The following NTF3 variants were observed in gnomAD, a reference collection of about 807,000 sequenced individuals.
NTF3 encodes the protein neurotrophin-3.
NTF3 carries 8 observed loss-of-function variants against 26.3 expected under a neutral mutation model. The ratio of observed to expected loss-of-function variants is 0.30; its 90% CI spans 0.18 to 0.55. The LOEUF (loss-of-function observed/expected upper bound fraction) is 0.55, where lower values mean the gene tolerates loss of function less well. Ranked by LOEUF, NTF3 falls within the 20% of genes least tolerant of loss-of-function variation. The pLI is 0.93. For missense variants in NTF3, 276 were observed against 352.9 expected (o/e 0.78, Z 1.75); for synonymous variants, 154 against 145.5 (o/e 1.06, Z -0.42).
intron 1 of NTF3, among the ~76,000 whole-genome samples, chr12:5,452,375 G>T (rs141682536): frequency 6.6e-6 from 1 of 152,256 alleles, no homozygotes; most frequent in African/African-American, 2.4e-5. Context: ...AATTACAGGC[G>T]TGAGCCACCG....
At chr12:5,483,367 T>G (rs1940831091) in intron 1 of NTF3, among the ~76,000 whole-genome samples, 1 of 152,206 alleles carries the variant, frequency 6.6e-6, no homozygotes, top group Admixed American at 6.5e-5. Flanking sequence ...GCCAGGGCAC[T>G]CCCGTGTTCT....
chr12:5,494,653 G>C lies in NTF3; in HGVS notation c.478G>C (p.Gly160Arg). ...KRYAEHKSHR[G>R]EYSVCDSESL... ...GTACGCGGAGCATAAGAGTCACCGA[G>C]GGGAGTACTCGGTATGTGACAGTGA... Residue 160 changes from glycine to arginine, a missense_variant, in exon 2 of 2, where the codon GGG (glycine) becomes CGG (arginine). Coordinates refer to ENST00000423158, the MANE Select transcript of NTF3 (RefSeq NM_001102654.2). The surrounding 1 kb of genome is among the most constrained non-coding windows in gnomAD (Gnocchi z 8.3). 1 of 1,614,154 alleles carries C rather than the reference G, an allele frequency of 6.2e-7. No homozygotes were observed. Among genetic ancestry groups the C allele is most frequent in the Middle Eastern group, 1.6e-4 (1 of 6,062 alleles).
chr12:5,465,786 C>T (rs904015782), intron 1 of NTF3, among the ~76,000 whole-genome samples: 2 of 152,254 alleles, frequency 1.3e-5, no homozygotes, highest in Non-Finnish European at 1.5e-5. Flanking sequence ...AGGGATCCTA[C>T]TGAGCTCTTC....
chr12:5,478,875 G>C (rs1234219191), intron 1 of NTF3, among the ~76,000 whole-genome samples: 1 of 152,126 alleles, frequency 6.6e-6, no homozygotes, highest in Non-Finnish European at 1.5e-5. Context: ...ACAATGTCAG[G>C]GCACATTTCT....
At chr12:5,475,121 G>T (rs1446935964) in intron 1 of NTF3, among the ~76,000 whole-genome samples, 1 of 152,222 alleles carries the variant, frequency 6.6e-6, no homozygotes. Flanking sequence ...CACATCAGCA[G>T]GGTTGATGAG....
At chr12:5,463,037 T>C (rs1335207494) in intron 1 of NTF3, among the ~76,000 whole-genome samples, 1 of 152,168 alleles carries the variant, frequency 6.6e-6, no homozygotes, top group Non-Finnish European at 1.5e-5. Flanking sequence ...GGTTTCACCA[T>C]AGATTACCTC....
chr12:5,459,354 A>G (rs1940495877), intron 1 of NTF3, among the ~76,000 whole-genome samples: 1 of 152,144 alleles, frequency 6.6e-6, no homozygotes, highest in Admixed American at 6.5e-5. Context: ...TGGGAAGCTC[A>G]AGGCTCAGTG....
At chr12:5,476,268 G>A (rs977139120) in intron 1 of NTF3, among the ~76,000 whole-genome samples, 6 of 152,140 alleles carry the variant, frequency 3.9e-5, no homozygotes, top group South Asian at 4.1e-4. Context: ...AAGGAGATTC[G>A]TAGGTGGAGT....
chr12:5,444,336 G>A (rs1188474833), intron 1 of NTF3, among the ~76,000 whole-genome samples: 1 of 152,192 alleles, frequency 6.6e-6, no homozygotes, highest in Non-Finnish European at 1.5e-5. Context: ...CAGGGGCTGG[G>A]GCAGAGATAA....
chr12:5,436,113 A>G (rs1174238705), intron 1 of NTF3, among the ~76,000 whole-genome samples: 1 of 152,228 alleles, frequency 6.6e-6, no homozygotes, highest in African/African-American at 2.4e-5. Flanking sequence ...TGGTGAGGCA[A>G]CTGGGTAGGA....
rs1449985438 is a variant in NTF3, at chr12:5,432,152, C to T, written c.-173C>T. On this transcript the variant is annotated 5_prime_UTR_variant, in exon 1 of 2. Transcript: ENST00000423158. The stretch of plus-strand genomic sequence containing the variant: ...CTCCCTTCCGAACAGCTCCGCGCAC[C>T]GCCCCGCGACGCAGCCCGGCGCAAC... The T allele has an allele frequency of 2.3e-5, 17 of 738,596 alleles. No homozygotes were observed. In the Admixed American group the frequency reaches 2.6e-4, roughly 11 times the overall value. The allele number at this position is 738,596 out of a possible 1,614,324, so 45.8% of individuals were successfully genotyped here. A position where few individuals can be genotyped will look rare whatever the true frequency, so the allele number is the denominator to read the frequency against.
chr12:5,486,585 G>A (rs551474575), intron 1 of NTF3, among the ~76,000 whole-genome samples: 2 of 152,100 alleles, frequency 1.3e-5, no homozygotes, highest in Non-Finnish European at 2.9e-5. Context: ...AACTCAGCTC[G>A]AACATAAGCA....
chr12:5,471,615 A>G (rs566300696), intron 1 of NTF3, among the ~76,000 whole-genome samples: 2 of 151,432 alleles, frequency 1.3e-5, no homozygotes, highest in South Asian at 4.2e-4. Context: ...CTTTGGAGAT[A>G]AGAAAAGGGT....
chr12:5,472,897 A>G (rs946721175), intron 1 of NTF3, among the ~76,000 whole-genome samples: 4 of 152,114 alleles, frequency 2.6e-5, no homozygotes, highest in Non-Finnish European at 5.9e-5. Flanking sequence ...TTATCCCTAG[A>G]GCCATTATTC....
chr12:5,483,596 C>T (rs942156844), intron 1 of NTF3, among the ~76,000 whole-genome samples: 1 of 152,200 alleles, frequency 6.6e-6, no homozygotes, highest in African/African-American at 2.4e-5. Context: ...CTGCAGTGAA[C>T]ATATATGTGC....
intron 1 of NTF3, among the ~76,000 whole-genome samples, chr12:5,467,460 T>G (rs1940607051): frequency 6.6e-6 from 1 of 152,208 alleles, no homozygotes; most frequent in South Asian, 2.1e-4. Flanking sequence ...TTTAGAGTGC[T>G]TGGTGTTCCT....
chr12:5,434,487 G>GTGTGTGTGTGTGTGTGTGTGTGTGTGTT (rs1565382140), intron 1 of NTF3, among the ~76,000 whole-genome samples: 1 of 151,594 alleles, frequency 6.6e-6, no homozygotes, highest in African/African-American at 2.4e-5. Context: ...GTGTGTGTGT[G>GTGTGTGTGTGTGTGTGTGTGTGTGTGTT]TGTGTGTGTG....
chr12:5,441,181 A>G (rs972051670), intron 1 of NTF3, among the ~76,000 whole-genome samples: 27 of 152,320 alleles, frequency 1.8e-4, no homozygotes, highest in African/African-American at 6.5e-4. Context: ...CTCGAACCAC[A>G]CTAGGTCTCA....
intron 1 of NTF3, among the ~76,000 whole-genome samples, chr12:5,468,294 C>T (rs542880919): frequency 7.6e-4 from 115 of 152,284 alleles, no homozygotes; most frequent in African/African-American, 2.7e-3. Flanking sequence ...CCTGTAATTA[C>T]TTTTTATCTT....
Sources: gnomAD v4.1 joint callset for allele counts (sites outside exome capture counted in the v4.1 genomes callset) on GRCh38, gnomAD v4.1.1 for gene constraint, Gnocchi (gnomAD v3.1) non-coding constraint, MANE v1.5 for transcripts, NCBI Gene and HGNC (gene_info 2026-07-23, HGNC 2026-07-21) for gene names.